NRG1: variants seen among roughly 807,000 people sequenced by gnomAD.
The protein encoded by NRG1 is neuregulin 1.
Under a neutral mutation model 63.8 loss-of-function variants are expected in NRG1, and 18 were observed. The observed-to-expected ratio is 0.28, with a 90% confidence interval of 0.19 to 0.42. The LOEUF is 0.42. NRG1 is among the 10% of genes least tolerant of loss of function. NRG1 has a pLI of 1.00. For synonymous variants in NRG1, 302 were observed against 301.3 expected, an observed-to-expected ratio of 1.00 and a Z score of -0.02; for missense variants, 762 against 814.7, an observed-to-expected ratio of 0.94 and a Z score of 0.79.
At chr8:31,702,983 C>A (rs149273953) in intron 1 of NRG1, among the ~76,000 whole-genome samples, 2 of 151,094 alleles carry the variant, frequency 1.3e-5, no homozygotes, top group Non-Finnish European at 3.0e-5. Context: ...CAGAAGGAAT[C>A]CATTTGTTCT....
At chr8:31,892,693 C>T (rs1472133110) in intron 1 of NRG1, among the ~76,000 whole-genome samples, 1 of 151,900 alleles carries the variant, frequency 6.6e-6, no homozygotes, top group Admixed American at 6.6e-5. Flanking sequence ...ATCACGTTGG[C>T]CATTTAATCA....
chr8:32,184,929 C>T (rs1029048822), intron 1 of NRG1, among the ~76,000 whole-genome samples: 8 of 152,170 alleles, frequency 5.3e-5, no homozygotes, highest in African/African-American at 1.9e-4. Context: ...GACTTGGTAG[C>T]ATCAAGGGAA....
intron 1 of NRG1, among the ~76,000 whole-genome samples, chr8:32,060,916 A>T (rs533724761): frequency 6.6e-6 from 1 of 151,834 alleles, no homozygotes; most frequent in South Asian, 2.1e-4. Context: ...GTGTGCTAAG[A>T]TTAGGTTTTA....
intron 1 of NRG1, among the ~76,000 whole-genome samples, chr8:31,864,370 T>C (rs1828757461): frequency 6.6e-6 from 1 of 152,178 alleles, no homozygotes; most frequent in South Asian, 2.1e-4. Flanking sequence ...CCAACTGTGC[T>C]AACTGGGGAC....
At chr8:32,313,078 A>C (rs1857004921) in intron 1 of NRG1, among the ~76,000 whole-genome samples, 1 of 152,072 alleles carries the variant, frequency 6.6e-6, no homozygotes. Context: ...GCTTGAACCC[A>C]AAAAAAGCAG....
chr8:31,750,421 G>A (rs1360390064), intron 1 of NRG1, among the ~76,000 whole-genome samples: 2 of 151,916 alleles, frequency 1.3e-5, no homozygotes, highest in African/African-American at 4.8e-5. Flanking sequence ...TCTAACTAAT[G>A]TCAAGCACGG....
At chr8:32,203,347 T>A (rs996671387) in intron 1 of NRG1, among the ~76,000 whole-genome samples, 2 of 151,790 alleles carry the variant, frequency 1.3e-5, no homozygotes, top group Non-Finnish European at 2.9e-5. Flanking sequence ...GTTGCAAAAT[T>A]TTAGTAATTC....
chr8:31,916,222 T>C (rs949824077), intron 1 of NRG1, among the ~76,000 whole-genome samples: 1 of 152,148 alleles, frequency 6.6e-6, no homozygotes, highest in Non-Finnish European at 1.5e-5. Flanking sequence ...TTTTTTTTTA[T>C]TATTATACTT....
chr8:32,107,020 C>G (rs868242450), intron 1 of NRG1, among the ~76,000 whole-genome samples: 2 of 151,986 alleles, frequency 1.3e-5, no homozygotes, highest in South Asian at 2.1e-4. Flanking sequence ...AGTTCAAGAC[C>G]AGCCTGACCA....
At chr8:31,891,931 T>C (rs980897016) in intron 1 of NRG1, among the ~76,000 whole-genome samples, 1 of 152,152 alleles carries the variant, frequency 6.6e-6, no homozygotes, top group African/African-American at 2.4e-5. Flanking sequence ...ATCTAATTTT[T>C]ATACCACTTT....
At chr8:32,041,602 G>A (rs900756078) in intron 1 of NRG1, among the ~76,000 whole-genome samples, 4 of 152,192 alleles carry the variant, frequency 2.6e-5, no homozygotes, top group African/African-American at 9.6e-5. Flanking sequence ...GGTGACAGCA[G>A]CTGAGGGTCC....
At chr8:31,936,134 G>T (rs1314507822) in intron 1 of NRG1, among the ~76,000 whole-genome samples, 1 of 152,150 alleles carries the variant, frequency 6.6e-6, no homozygotes, top group Non-Finnish European at 1.5e-5. Flanking sequence ...TTTAAGAAGT[G>T]TTATGCTAAA....
At chr8:32,633,258 A>C (rs959894193) in intron 5 of NRG1, among the ~76,000 whole-genome samples, 2 of 152,192 alleles carry the variant, frequency 1.3e-5, no homozygotes, top group Non-Finnish European at 2.9e-5. Context: ...AAAACAATCA[A>C]GACAACAGCT....
intron 1 of NRG1, among the ~76,000 whole-genome samples, chr8:31,732,073 A>C (rs1814135514): frequency 6.6e-6 from 1 of 152,070 alleles, no homozygotes; most frequent in African/African-American, 2.4e-5. Flanking sequence ...TTTTCCTAGC[A>C]CTAGTAAGGA....
chr8:32,764,618 C>G, exon 12 of NRG1: 1 of 425,628 alleles, frequency 2.3e-6, no homozygotes, highest in East Asian at 4.0e-5. Context: ...ATCAATGGTG[C>G]CTTTATGTTA....
chr8:32,010,214 T>G (rs1814521972), intron 1 of NRG1, among the ~76,000 whole-genome samples: 1 of 152,100 alleles, frequency 6.6e-6, no homozygotes, highest in Admixed American at 6.6e-5. Context: ...AAGCACATCA[T>G]AATTAGTGTA....
intron 1 of NRG1, among the ~76,000 whole-genome samples, chr8:31,985,324 AG>A (rs1180105695): frequency 5.3e-5 from 8 of 152,116 alleles, no homozygotes; most frequent in Non-Finnish European, 1.2e-4. Context: ...TCTAAAGCAA[AG>A]GAGTTACAAA....
At chr8:31,652,287 T>C (rs1804930907) in intron 1 of NRG1, among the ~76,000 whole-genome samples, 1 of 152,244 alleles carries the variant, frequency 6.6e-6, no homozygotes, top group Non-Finnish European at 1.5e-5. Flanking sequence ...CTTCAACTTC[T>C]CTGTAATAGA....
chr8:31,800,837 CTTTTT>C (rs5890598), intron 1 of NRG1, among the ~76,000 whole-genome samples: 27 of 105,040 alleles, frequency 2.6e-4, no homozygotes, highest in African/African-American at 9.0e-4. Context: ...AGTCTCCTTT[CTTTTT>C]TTTTTTTTTT....
Sources: allele counts gnomAD v4.1 joint callset (sites outside exome capture counted in the v4.1 genomes callset), GRCh38; gene constraint gnomAD v4.1.1; transcripts MANE v1.5; gene names NCBI Gene and HGNC (gene_info 2026-07-23, HGNC 2026-07-21).